Variants in HEG1 observed in about 807,000 individuals in gnomAD.
HEG1 encodes protein HEG homolog 1.
HEG1 carries 56 observed loss-of-function variants against 125.6 expected under a neutral mutation model. The observed-to-expected ratio is 0.45, with a 90% confidence interval of 0.36 to 0.56. The LOEUF is 0.56. Among genes scored for constraint, HEG1 ranks in the 20% least tolerant of loss-of-function variants. The pLI is 0.00. For missense variants in HEG1, 1,523 were observed against 1,670.0 expected (o/e 0.91, Z 1.53); for synonymous variants, 644 against 668.5 (o/e 0.96, Z 0.57).
intron 14 of HEG1, among the ~76,000 whole-genome samples, chr3:124,988,966 CAT>C (rs1440166229): frequency 6.6e-6 from 1 of 152,172 alleles, no homozygotes; most frequent in East Asian, 1.9e-4. Flanking sequence ...CCTCTCTACT[CAT>C]ATGACTATAA....
intron 11 of HEG1, among the ~76,000 whole-genome samples, chr3:125,001,157 C>T (rs1936992996): frequency 6.6e-6 from 1 of 151,888 alleles, no homozygotes; most frequent in Admixed American, 6.6e-5. Context: ...ATTCTGGCCT[C>T]CATTCTTCTG....
chr3:124,986,058 G>A lies in HEG1; in HGVS notation c.3733+4729C>T, dbSNP rs545157727. Among the ~76,000 whole-genome samples, 675 of 152,308 alleles carry A rather than the reference G, an allele frequency of 4.4e-3. 9 individuals carry two copies. The highest frequency in any genetic ancestry group is 0.02 in the Middle Eastern group (6 of 294). Reference sequence around the variant, plus strand: ...CTCCCAAAGTGCTGGGATTACAGGCGTGAGCCACTGTGCCTTGCCCTTTCC... The same window carrying A: ...CTCCCAAAGTGCTGGGATTACAGGCATGAGCCACTGTGCCTTGCCCTTTCC... On this transcript the variant is annotated intron_variant, in intron 14 of 16. Transcript: ENST00000311127.
Position 125,019,470 on chromosome 3 carries a change from C to G in HEG1, c.1380G>C (p.Leu460Phe). The G allele has an allele frequency of 6.2e-7, 1 of 1,613,988 alleles. No homozygotes were observed. The highest frequency in any genetic ancestry group is 1.3e-5 in the African/African-American group (1 of 75,050). The change falls in exon 5 of 17, where the codon TTG becomes TTC. Residue 460 changes from leucine (L) to phenylalanine (F), a missense_variant. Leu to Phe is a conservative substitution (Grantham distance 22). Coordinates refer to ENST00000311127, the MANE Select transcript of HEG1 (RefSeq NM_020733.2). ...RGGEITAHWL[L>F]TNSTTSADVT... The stretch of plus-strand genomic sequence containing the variant: ...CATCTGCAGATGTTGTGCTGTTGGT[C>G]AAGAGCCAGTGTGCAGTGATCTCTC...
In HEG1 at chr3:124,974,960, C is replaced by T. The variant is rs111538170; in HGVS notation, c.3822-1055G>A. Among the ~76,000 whole-genome samples the T allele has an allele frequency of 3.3e-3, 497 of 152,292 alleles. 2 individuals carry two copies. Among genetic ancestry groups the T allele is most frequent in the African/African-American group, 0.01 (435 of 41,560 alleles). ...CTTCTCAGGAGCCAGCAGGCACAGG[C>T]TCCTTCCCCAAATGGGTACACCACA... On this transcript the variant is annotated intron_variant, in intron 15 of 16. Coordinates refer to ENST00000311127, the MANE Select transcript of HEG1 (RefSeq NM_020733.2).
Position 124,968,350 on chromosome 3 carries a change from C to G in HEG1, c.*2302G>C, listed in dbSNP as rs1028925001. ...TGCTCTGGAGGTGCCTTCCCCACCC[C>G]CAAACGCCTCCTGGAAACTGTGGAG... On this transcript the variant is annotated 3_prime_UTR_variant, in exon 17 of 17. Transcript: ENST00000311127. The G allele has an allele frequency of 2.0e-5, 3 of 152,410 alleles. No individual in the cohort carries two copies. The highest frequency in any genetic ancestry group is 4.8e-5 in the African/African-American group (2 of 41,436). 9.4% of individuals were successfully genotyped at this position (152,410 alleles called of 1,614,324 possible). A position where few individuals can be genotyped will look rare whatever the true frequency, so the allele number is the denominator to read the frequency against.
intron 12 of HEG1, among the ~76,000 whole-genome samples, chr3:124,992,877 C>T (rs1044948336): frequency 1.3e-5 from 2 of 152,250 alleles, no homozygotes; most frequent in African/African-American, 2.4e-5. Context: ...TTTGACCCCA[C>T]AGTATCACTT....
chr3:125,009,604 T>C, intron 8 of HEG1, 101 bp downstream of exon 8: 1 of 1,257,696 alleles, frequency 8.0e-7, no homozygotes, highest in Non-Finnish European at 1.1e-6. Context: ...GTTTATACCT[T>C]GGACAAATAC....
intron 1 of HEG1, among the ~76,000 whole-genome samples, chr3:125,053,461 C>T (rs1027949401): frequency 1.3e-5 from 2 of 152,220 alleles, no homozygotes; most frequent in African/African-American, 4.8e-5. Flanking sequence ...CTTCTAGCAG[C>T]TTCAACAGGT....
At chr3:125,038,940 C>T (rs1032715428) in intron 1 of HEG1, among the ~76,000 whole-genome samples, 6 of 152,208 alleles carry the variant, frequency 3.9e-5, no homozygotes, top group African/African-American at 1.4e-4. Context: ...GCTTAGTAGG[C>T]TGGTGCTGTG....
rs1421229861 is a variant in HEG1 at position 125,020,855 on chromosome 3, T to C, written c.1189A>G (p.Ile397Val). 9.9e-6 allele frequency: 16 copies of C among 1,613,914 alleles called. No homozygotes were observed. The highest frequency in any genetic ancestry group is 1.4e-5 in the Non-Finnish European group (16 of 1,179,908). ...VTGNPGDEEFIEPSTENEFGL... is the reference protein window; with the variant it reads ...VTGNPGDEEFVEPSTENEFGL... ...AATTCATTTTCTGTGGATGGTTCAA[T>C]GAATTCCTCATCCCCTGGATTCCCA... is the stretch of plus-strand genomic sequence containing the variant. The change falls in exon 4 of 17, where the codon ATT (isoleucine) becomes GTT (valine). Residue 397 changes from isoleucine (I) to valine (V), a missense_variant. By Grantham distance (29) the Ile-to-Val change is conservative. Transcript: ENST00000311127.
chr3:125,029,158 CA>C, intron 2 of HEG1, 36 bp downstream of exon 2: 1 of 1,587,936 alleles, frequency 6.3e-7, no homozygotes, highest in Non-Finnish European at 8.6e-7. Flanking sequence ...GGACTGGACA[CA>C]CATGCGTGAA....
At chr3:124,992,646 T>G (rs2107692535) in intron 12 of HEG1, among the ~76,000 whole-genome samples, 1 of 152,328 alleles carries the variant, frequency 6.6e-6, no homozygotes, top group Admixed American at 6.5e-5. Context: ...CCAGCGTCCT[T>G]GTGTGTGATA....
intron 16 of HEG1, chr3:124,971,017 CAACTG>C: frequency 1.6e-6 from 1 of 620,054 alleles, no homozygotes; most frequent in Admixed American, 2.4e-5. Flanking sequence ...ATGCAGAAGG[CAACTG>C]ATGCAAACGG....
chr3:124,973,683 T>A, intron 16 of HEG1, 48 bp downstream of exon 16: 1 of 1,473,802 alleles, frequency 6.8e-7, no homozygotes, highest in Admixed American at 2.1e-5. Context: ...CCTTTACTTC[T>A]CAGAGGAACC....
intron 3 of HEG1, among the ~76,000 whole-genome samples, chr3:125,026,453 T>C (rs1937415905): frequency 6.6e-6 from 1 of 152,082 alleles, no homozygotes; most frequent in Non-Finnish European, 1.5e-5. Flanking sequence ...ACTTAAGTGA[T>C]GAATAGTAAT....
At chr3:124,995,135 C>A (rs923375719) in intron 12 of HEG1, among the ~76,000 whole-genome samples, 2 of 152,072 alleles carry the variant, frequency 1.3e-5, no homozygotes, top group East Asian at 3.9e-4. Flanking sequence ...CCCATCTCTA[C>A]AAAGAATACA....
Position 125,013,348 on chromosome 3 carries a change from G to T in HEG1, c.2231C>A (p.Thr744Asn), listed in dbSNP as rs1055234033. Residue 744 changes from threonine (T) to asparagine (N), a missense_variant, in exon 6 of 17, where the codon ACC becomes AAC. Physicochemically the swap from Thr to Asn is moderately conservative, Grantham distance 65. Coordinates refer to ENST00000311127, the MANE Select transcript of HEG1 (RefSeq NM_020733.2). ...CTCCCTTGCCCTGGGCAGGACAGGG[G>T]TAGAAGATGACTGTGGCAAGGTTGT... is the stretch of plus-strand genomic sequence containing the variant. ...SQTTLPQSSS[T>N]PVLPRARETP... 7 of 1,613,980 alleles carry T rather than the reference G, an allele frequency of 4.3e-6. No individual in the cohort carries two copies. Among genetic ancestry groups the T allele is most frequent in the Non-Finnish European group, 5.9e-6 (7 of 1,179,878 alleles).
chr3:124,999,136 C>T (rs563819201), intron 11 of HEG1, among the ~76,000 whole-genome samples: 9 of 152,290 alleles, frequency 5.9e-5, no homozygotes, highest in African/African-American at 1.7e-4. Context: ...AACTCAGGAC[C>T]GGTAGACAGC....
chr3:125,018,807 C>G (rs1008837286), intron 5 of HEG1, among the ~76,000 whole-genome samples: 3 of 150,478 alleles, frequency 2.0e-5, no homozygotes, highest in Admixed American at 6.6e-5. Context: ...AGAAGAAGGG[C>G]CTGGGAAATA....
Sources: gnomAD v4.1 joint callset for allele counts (sites outside exome capture counted in the v4.1 genomes callset) on GRCh38, gnomAD v4.1.1 for gene constraint, MANE v1.5 for transcripts, NCBI Gene and HGNC (gene_info 2026-07-23, HGNC 2026-07-21) for gene names.